NBAS: variants seen among roughly 807,000 people sequenced by gnomAD.
The protein encoded by NBAS is NBAS subunit of NRZ tethering complex.
In NBAS, 219 loss-of-function variants were observed where a neutral mutation model predicts 302.5. The observed-to-expected ratio is 0.72, with a 90% CI of 0.65 to 0.81. The LOEUF (loss-of-function observed/expected upper bound fraction) is 0.81, where lower values mean the gene tolerates loss of function less well. NBAS is among the 30% of genes least tolerant of loss of function. The probability of loss-of-function intolerance (pLI) is 0.00; values close to 1 mark genes in which losing one functional copy is unlikely to be tolerated. For missense variants in NBAS, 2,932 were observed against 2,841.6 expected (o/e 1.03, Z -0.72); for synonymous variants, 1,118 against 1,021.6 (o/e 1.09, Z -1.80).
At chr2:15,299,331 G>A (rs946485758) in intron 40 of NBAS, among the ~76,000 whole-genome samples, 44 of 152,132 alleles carry the variant, frequency 2.9e-4, no homozygotes, top group Non-Finnish European at 6.3e-4. Context: ...TAAAGAATAT[G>A]GTCAAATCCC....
chr2:15,489,053 G>T lies in NBAS; in HGVS notation c.955-31C>A, dbSNP rs768956651. 5 of 1,609,838 alleles carry T rather than the reference G, an allele frequency of 3.1e-6. No individual in the cohort carries two copies. The Admixed American group carries it at 5.0e-5, about 16-fold the overall frequency. On this transcript the variant is annotated intron_variant, in intron 11 of 51. Coordinates refer to ENST00000281513, the MANE Select transcript of NBAS (RefSeq NM_015909.4). ...TAAGAATCATAAGGTCAGGGCAAAGGACTTATGGTCAAATGTAAATAACTC... is the reference window on the plus strand; with the variant it reads ...TAAGAATCATAAGGTCAGGGCAAAGTACTTATGGTCAAATGTAAATAACTC...
chr2:15,052,158 T>C, the NBAS span, among the ~76,000 whole-genome samples: 1 of 152,168 alleles, frequency 6.6e-6, no homozygotes, highest in Admixed American at 6.5e-5. Flanking sequence ...AGCAATCCCA[T>C]GATAGAAAAT....
At chr2:15,034,677 T>A in the NBAS span, among the ~76,000 whole-genome samples, 2 of 152,340 alleles carry the variant, frequency 1.3e-5, no homozygotes, top group East Asian at 3.9e-4. Context: ...GCCGGTGGAC[T>A]ACTCCCTAGT....
rs943570238 is a variant in NBAS at position 15,287,284 on chromosome 2, G to A, written c.5028-101C>T. ...TTAGGACTGCTCTCCAGTGAGAGAG[G>A]TGCAAGCAGTGTGGTCCTTAATAAG... is the stretch of plus-strand genomic sequence containing the variant. On this transcript the variant is annotated intron_variant, in intron 41 of 51. Transcript: ENST00000281513. 9 of 831,778 alleles carry A rather than the reference G, an allele frequency of 1.1e-5. No homozygotes were observed. In the African/African-American group the frequency reaches 1.5e-4, roughly 14 times the overall value. 51.5% of individuals were successfully genotyped at this position (831,778 alleles called of 1,614,324 possible).
chr2:15,529,522 C>G (rs1043550806), intron 9 of NBAS, among the ~76,000 whole-genome samples: 1 of 151,990 alleles, frequency 6.6e-6, no homozygotes, highest in South Asian at 2.1e-4. Context: ...ACCAAAAAAT[C>G]AAGCTGAACT....
chr2:14,848,051 A>C, the NBAS span, among the ~76,000 whole-genome samples: 31 of 152,328 alleles, frequency 2.0e-4, no homozygotes, highest in African/African-American at 7.5e-4. Flanking sequence ...TGAAGAAATT[A>C]AGAAGAAAAT....
chr2:14,779,990 G>A, the NBAS span, among the ~76,000 whole-genome samples: 29 of 152,062 alleles, frequency 1.9e-4, no homozygotes, highest in Admixed American at 1.9e-3. Context: ...CTAATGACCA[G>A]CCAGGTGCTA....
chr2:15,254,352 C>T (rs1668488606), intron 44 of NBAS, among the ~76,000 whole-genome samples: 1 of 152,166 alleles, frequency 6.6e-6, no homozygotes, highest in South Asian at 2.1e-4. Context: ...AGTGATAACT[C>T]CATTTCCAGC....
intron 41 of NBAS, among the ~76,000 whole-genome samples, chr2:15,290,610 G>A (rs1670264347): frequency 6.6e-6 from 1 of 152,172 alleles, no homozygotes; most frequent in South Asian, 2.1e-4. Context: ...AAAGCATACT[G>A]GACTTAAGAA....
At chr2:14,993,860 A>T in the NBAS span, among the ~76,000 whole-genome samples, 2 of 152,362 alleles carry the variant, frequency 1.3e-5, no homozygotes, top group Admixed American at 1.3e-4. Context: ...AAGCCAAACC[A>T]ATAAATATCT....
At position 15,435,004 on chromosome 2, in the gene NBAS, T is replaced by G. The variant is rs936973457; in HGVS notation, c.2340-7210A>C. On this transcript the variant is annotated intron_variant, in intron 21 of 51. Coordinates refer to ENST00000281513, the MANE Select transcript of NBAS (RefSeq NM_015909.4). Reference sequence around the variant, plus strand: ...ACATTACATGAAGACAAGCAGACCCTGACAAATAGCCTTTAGACTATTAAT... The same window carrying G: ...ACATTACATGAAGACAAGCAGACCCGGACAAATAGCCTTTAGACTATTAAT... 2.6e-5 allele frequency among the ~76,000 whole-genome samples: 4 copies of G among 152,176 alleles called. No homozygotes were observed. In the East Asian group the frequency reaches 7.7e-4, roughly 29 times the overall value.
At position 15,488,903 on chromosome 2, in the gene NBAS, T is replaced by C. The variant is rs1210394520; in HGVS notation, c.1074A>G (p.Gln358=). Reference sequence around the variant, plus strand: ...TAACCAAGAGACGCACCTGCTCATTTTGACCCCATTCCCCTTGTTGCTTCA... The same window carrying C: ...TAACCAAGAGACGCACCTGCTCATTCTGACCCCATTCCCCTTGTTGCTTCA... ...PSLKQQGEWG[Q]NEQPGYDDLN... is the part of the protein sequence containing the mutation. Residue 358 remains glutamine, a synonymous_variant, in exon 12 of 52, where the codon CAA becomes CAG. Coordinates refer to ENST00000281513, the MANE Select transcript of NBAS (RefSeq NM_015909.4). 6.2e-7 allele frequency: 1 copy of C among 1,613,738 alleles called. No homozygotes were observed. The highest frequency in any genetic ancestry group is 1.7e-5 in the Admixed American group (1 of 60,018).
chr2:14,917,816 C>T, the NBAS span, among the ~76,000 whole-genome samples: 1 of 152,156 alleles, frequency 6.6e-6, no homozygotes, highest in East Asian at 1.9e-4. Flanking sequence ...AATGTACATA[C>T]TTAGGGAGAA....
At chr2:14,998,715 TAC>T in the NBAS span, among the ~76,000 whole-genome samples, 6 of 151,840 alleles carry the variant, frequency 4.0e-5, no homozygotes, top group Admixed American at 1.3e-4. Context: ...GTGTCTCACA[TAC>T]ACACACACAC....
the NBAS span, among the ~76,000 whole-genome samples, chr2:14,982,348 G>A: frequency 9.1e-4 from 138 of 152,326 alleles, no homozygotes; most frequent in Non-Finnish European, 2.1e-4. Flanking sequence ...CGGAATGGTG[G>A]AAATCAGAAA....
chr2:15,354,778 C>A (rs1673532592), intron 33 of NBAS, among the ~76,000 whole-genome samples: 1 of 152,190 alleles, frequency 6.6e-6, no homozygotes. Flanking sequence ...TGCTAGGCTG[C>A]ATACTCCAGT....
chr2:15,378,669 T>G (rs1214315911), intron 30 of NBAS, among the ~76,000 whole-genome samples: 1 of 152,202 alleles, frequency 6.6e-6, no homozygotes, highest in African/African-American at 2.4e-5. Flanking sequence ...AGTGTTGAAT[T>G]TCTCATGTAA....
At chr2:15,130,794 C>A in the NBAS span, among the ~76,000 whole-genome samples, 1 of 152,214 alleles carries the variant, frequency 6.6e-6, no homozygotes, top group Non-Finnish European at 1.5e-5. Flanking sequence ...CCTCAGGGGG[C>A]CACCCTCTCT....
At chr2:15,017,098 AC>A in the NBAS span, among the ~76,000 whole-genome samples, 4 of 152,136 alleles carry the variant, frequency 2.6e-5, no homozygotes, top group Admixed American at 6.5e-5. Context: ...TACTGGGAAA[AC>A]CAAATATCCC....
Sources: allele counts gnomAD v4.1 joint callset (sites outside exome capture counted in the v4.1 genomes callset), GRCh38; gene constraint gnomAD v4.1.1; transcripts MANE v1.5; gene names NCBI Gene and HGNC (gene_info 2026-07-23, HGNC 2026-07-21).